PLEKHG5: variants seen among roughly 807,000 people sequenced by gnomAD.
PLEKHG5 encodes pleckstrin homology domain-containing family G member 5.
In PLEKHG5, 52 loss-of-function variants were observed where a neutral mutation model predicts 103.8. The observed-to-expected ratio is 0.50, with a 90% CI of 0.40 to 0.63. The LOEUF is 0.63. PLEKHG5 is among the 30% of genes least tolerant of loss of function. The probability of loss-of-function intolerance (pLI) is 0.00; values close to 1 mark genes in which losing one functional copy is unlikely to be tolerated. For synonymous variants in PLEKHG5, 592 were observed against 575.5 expected (o/e 1.03, Z -0.41); for missense variants, 1,205 against 1,347.6 (o/e 0.89, Z 1.66).
At chr1:6,507,490 GC>G (rs902861266) in intron 1 of PLEKHG5, among the ~76,000 whole-genome samples, 2 of 152,136 alleles carry the variant, frequency 1.3e-5, no homozygotes, top group Non-Finnish European at 2.9e-5. Context: ...CCCCACCTGT[GC>G]CCCCCCAGCC....
chr1:6,510,387 T>C (rs1018111324), intron 1 of PLEKHG5, among the ~76,000 whole-genome samples: 4 of 151,258 alleles, frequency 2.6e-5, no homozygotes, highest in Admixed American at 2.6e-4. Flanking sequence ...GGTCAGGAGT[T>C]CAAGACCAGC....
rs373678202 is a variant in PLEKHG5, at chr1:6,473,381, G to T, written c.665C>A (p.Thr222Lys). 1 of 1,547,712 alleles carries T rather than the reference G, an allele frequency of 6.5e-7. No individual in the cohort carries two copies. Among genetic ancestry groups the T allele is most frequent in the Non-Finnish European group, 8.7e-7 (1 of 1,145,850 alleles). Residue 222 changes from threonine (T) to lysine (K), a missense_variant, in exon 8 of 21, where the codon ACG (threonine) becomes AAG (lysine). Coordinates refer to ENST00000377728, the MANE Select transcript of PLEKHG5 (RefSeq NM_020631.6). ...GCTGGGCAGAGAGCAGCTGGAGGGC[G>T]TGGGGGGCTCCTGCCCGGGGATGCT... ...EASIPGQEPP[T>K]PSSCSLPSGS...
At position 6,505,184 on chromosome 1, in the gene PLEKHG5, C is replaced by T. The variant is rs1197774203; in HGVS notation, c.-164-8615G>A. Among the ~76,000 whole-genome samples, 2 of 152,154 alleles carry T rather than the reference C, an allele frequency of 1.3e-5. No individual in the cohort carries two copies. Among genetic ancestry groups the T allele is most frequent in the Non-Finnish European group, 1.5e-5 (1 of 68,028 alleles). On this transcript the variant is annotated intron_variant, in intron 1 of 21. Transcript: ENST00000377740. The surrounding 1 kb of genome is among the most constrained non-coding windows in gnomAD (Gnocchi z 4.2). ...GCTCCGGTAGCTTCTGCGGACCGGACTCAAGTTTCTGTCACTGCACCAAAG... is the reference window on the plus strand; with the variant it reads ...GCTCCGGTAGCTTCTGCGGACCGGATTCAAGTTTCTGTCACTGCACCAAAG...
intron 14 of PLEKHG5, 21 bp downstream of exon 14, chr1:6,470,714 C>T: frequency 6.4e-7 from 1 of 1,551,758 alleles, no homozygotes. Context: ...GGGGACGGCT[C>T]CCGCTGGCCA....
intron 1 of PLEKHG5, among the ~76,000 whole-genome samples, chr1:6,504,579 T>C (rs1015009671): frequency 1.3e-5 from 2 of 150,642 alleles, no homozygotes; most frequent in African/African-American, 4.9e-5. Flanking sequence ...TTTCTTTTTT[T>C]TTTTTTTTGA....
intron 3 of PLEKHG5, 151 bp from the exon 4 acceptor site, chr1:6,475,673 G>A: frequency 1.3e-6 from 1 of 772,210 alleles, no homozygotes; most frequent in Non-Finnish European, 2.3e-6. Context: ...GCATAGGGCT[G>A]TGCGCCCTCT....
intron 1 of PLEKHG5, among the ~76,000 whole-genome samples, chr1:6,482,577 G>A (rs879100566): frequency 6.6e-6 from 1 of 152,172 alleles, no homozygotes; most frequent in Admixed American, 6.5e-5. Flanking sequence ...TATTGTCCCT[G>A]TTTCACACAA....
In PLEKHG5 at chr1:6,491,477, C is replaced by G. The variant is rs981157183; in HGVS notation, c.-88+160G>C. On this transcript the variant is annotated intron_variant, in intron 1 of 20. Transcript: ENST00000377728. This position sits in a 1 kb window ranked among gnomAD's most constrained non-coding sequence, Gnocchi z 4.1. ...CTTGCATTGTTTCTCTGGCCCTGCC[C>G]GTTTCTTCAGCTGCAGATAGCCCCA... Among the ~76,000 whole-genome samples, 1 of 152,170 alleles carries G rather than the reference C, an allele frequency of 6.6e-6. No individual in the cohort carries two copies. Among genetic ancestry groups the G allele is most frequent in the Non-Finnish European group, 1.5e-5 (1 of 68,032 alleles).
Position 6,505,054 on chromosome 1 carries a change from G to C in PLEKHG5, c.-164-8485C>G, listed in dbSNP as rs1424313846. ...TCCTGCTCCCTGGGCTTGTGGCCTG[G>C]GGGAGGCCAGCTCCTGGGCCCGAGG... On this transcript the variant is annotated intron_variant, in intron 1 of 21. Coordinates refer to the PLEKHG5 transcript ENST00000377740. The surrounding 1 kb of genome is among the most constrained non-coding windows in gnomAD (Gnocchi z 4.2). Among the ~76,000 whole-genome samples the C allele has an allele frequency of 1.3e-5, 2 of 152,288 alleles. No individual in the cohort carries two copies. Among genetic ancestry groups the C allele is most frequent in the Middle Eastern group, 3.4e-3 (1 of 294 alleles).
At position 6,505,715 on chromosome 1, in the gene PLEKHG5, C is replaced by T. The variant is rs980066824; in HGVS notation, c.-164-9146G>A. Among the ~76,000 whole-genome samples, 6 of 152,248 alleles carry T rather than the reference C, an allele frequency of 3.9e-5. No homozygotes were observed. Among genetic ancestry groups the T allele is most frequent in the Non-Finnish European group, 5.9e-5 (4 of 68,050 alleles). On this transcript the variant is annotated intron_variant, in intron 1 of 21. Transcript: ENST00000377740. The surrounding 1 kb of genome is among the most constrained non-coding windows in gnomAD (Gnocchi z 4.2). Reference sequence around the variant, plus strand: ...GAGAAAACACCATGGCCTGATCTTGCGGGCGGGGTGAGAGCAGAGGCAGAG... The same window carrying T: ...GAGAAAACACCATGGCCTGATCTTGTGGGCGGGGTGAGAGCAGAGGCAGAG...
chr1:6,486,395 C>T lies in PLEKHG5; in HGVS notation c.-88+5242G>A, dbSNP rs1285849660. 1.3e-5 allele frequency among the ~76,000 whole-genome samples: 2 copies of T among 152,070 alleles called. No individual in the cohort carries two copies. The highest frequency in any genetic ancestry group is 2.9e-5 in the Non-Finnish European group (2 of 68,008). On this transcript the variant is annotated intron_variant, in intron 1 of 20. Transcript: ENST00000377728. The surrounding 1 kb of genome is among the most constrained non-coding windows in gnomAD (Gnocchi z 5.3). ...CAGCCCCTCCCATCAACCTGGAGAC[C>T]CCTGCCCGAGAGCCTGAGCCCCAGG...
At chr1:6,473,964 G>A in intron 7 of PLEKHG5, 49 bp downstream of exon 7, 1 of 1,502,776 alleles carries the variant, frequency 6.7e-7, no homozygotes, top group Non-Finnish European at 9.1e-7. Flanking sequence ...TGTGGGCCCA[G>A]CCTGGGCCCC....
Position 6,473,024 on chromosome 1 carries a change from G to T in PLEKHG5, c.946C>A (p.Leu316Met). Reference protein sequence around the residue: ...DEDEDNACLRLEDSWRELIDG... With the variant: ...DEDEDNACLRMEDSWRELIDG... Reference sequence around the variant, plus strand: ...ATGAGCTCCCGCCAGCTGTCCTCCAGCCTCAGGCAGGCATTGTCCTCATCC... The same window carrying T: ...ATGAGCTCCCGCCAGCTGTCCTCCATCCTCAGGCAGGCATTGTCCTCATCC... The change falls in exon 9 of 21, where the codon CTG (leucine) becomes ATG (methionine). Residue 316 changes from leucine to methionine, a missense_variant. Transcript: ENST00000377728. 6.2e-7 allele frequency: 1 copy of T among 1,614,040 alleles called. No individual in the cohort carries two copies. The highest frequency in any genetic ancestry group is 8.5e-7 in the Non-Finnish European group (1 of 1,179,992).
intron 1 of PLEKHG5, among the ~76,000 whole-genome samples, chr1:6,512,978 C>T (rs10442706): frequency 1.3e-5 from 2 of 152,032 alleles, no homozygotes; most frequent in African/African-American, 4.8e-5. Flanking sequence ...AAGAACAGAA[C>T]GCAAGTCTGC....
At chr1:6,472,385 C>G in intron 10 of PLEKHG5, 142 bp downstream of exon 10, 1 of 707,652 alleles carries the variant, frequency 1.4e-6, no homozygotes, top group Non-Finnish European at 2.5e-6. Context: ...CACCTCCTCC[C>G]TGGGCGCAGC....
At position 6,510,344 on chromosome 1, in the gene PLEKHG5, G is replaced by A. The variant is rs1638440804; in HGVS notation, c.-165+9101C>T. Among the ~76,000 whole-genome samples, 3 of 152,058 alleles carry A rather than the reference G, an allele frequency of 2.0e-5. No individual in the cohort carries two copies. In the South Asian group the frequency reaches 6.2e-4, roughly 32 times the overall value. ...ACAGTGGCTCACGCCTGTAATCCCAGCACTTTGGGAGGCCAAGGCAGGTGG... is the reference window on the plus strand; with the variant it reads ...ACAGTGGCTCACGCCTGTAATCCCAACACTTTGGGAGGCCAAGGCAGGTGG... On this transcript the variant is annotated intron_variant, in intron 1 of 21. Coordinates refer to the PLEKHG5 transcript ENST00000377740.
intron 1 of PLEKHG5, among the ~76,000 whole-genome samples, chr1:6,516,885 TACAC>T (rs1296132007): frequency 0.1 from 1,101 of 10,536 alleles, 21 homozygotes; most frequent in Admixed American, 0.14. Flanking sequence ...TATATATATA[TACAC>T]ATATATATAT....
chr1:6,517,044 T>C (rs1239586132), intron 1 of PLEKHG5, among the ~76,000 whole-genome samples: 1 of 149,844 alleles, frequency 6.7e-6, no homozygotes, highest in Non-Finnish European at 1.5e-5. Flanking sequence ...GGTCAGGAGT[T>C]TGAGACCAGC....
At chr1:6,503,798 C>T (rs1292535570) in intron 1 of PLEKHG5, among the ~76,000 whole-genome samples, 1 of 152,148 alleles carries the variant, frequency 6.6e-6, no homozygotes, top group Admixed American at 6.5e-5. Flanking sequence ...ATCAAGGGGC[C>T]CCAGAGCTGT....
Sources: gnomAD v4.1 joint callset for allele counts (sites outside exome capture counted in the v4.1 genomes callset) on GRCh38, gnomAD v4.1.1 for gene constraint, Gnocchi (gnomAD v3.1) non-coding constraint, MANE v1.5 for transcripts, NCBI Gene and HGNC (gene_info 2026-07-23, HGNC 2026-07-21) for gene names.